Variants in KAT6B observed in about 807,000 individuals in gnomAD.
KAT6B encodes lysine acetyltransferase 6B, also known as histone acetyltransferase KAT6B.
Under a neutral mutation model 187.5 loss-of-function variants are expected in KAT6B, and 10 were observed. That is an observed-to-expected ratio of 0.05 (90% CI 0.03 to 0.09). The LOEUF (loss-of-function observed/expected upper bound fraction) is 0.09. KAT6B is among the 10% of genes least tolerant of loss of function. The pLI is 1.00. For synonymous variants in KAT6B, 861 were observed against 926.8 expected, an observed-to-expected ratio of 0.93 and a Z score of 1.29; for missense variants, 1,952 against 2,558.9, an observed-to-expected ratio of 0.76 and a Z score of 5.12.
At chr10:74,959,905 G>T in intron 3 of KAT6B, 65 bp from the exon 4 acceptor site, 1 of 1,104,310 alleles carries the variant, frequency 9.1e-7, no homozygotes, top group South Asian at 1.3e-5. Flanking sequence ...AAAAGCTTTT[G>T]ATTTTAATGT....
intron 1 of KAT6B, among the ~76,000 whole-genome samples, chr10:74,834,269 C>G (rs1192717183): frequency 1.3e-5 from 2 of 151,490 alleles, no homozygotes; most frequent in Non-Finnish European, 2.9e-5. Flanking sequence ...GCGATCTCGG[C>G]TCACTGCATC....
chr10:74,882,461 C>T (rs916838297), intron 3 of KAT6B, among the ~76,000 whole-genome samples: 3 of 152,316 alleles, frequency 2.0e-5, no homozygotes, highest in Non-Finnish European at 2.9e-5. Flanking sequence ...GACATATTCT[C>T]TTATTAGTAA....
intron 3 of KAT6B, among the ~76,000 whole-genome samples, chr10:74,863,110 G>A (rs1012425795): frequency 6.6e-6 from 1 of 152,152 alleles, no homozygotes. Context: ...AAAACAGAAA[G>A]ATTTGGAGAT....
At chr10:74,961,807 G>T (rs569701660) in intron 4 of KAT6B, among the ~76,000 whole-genome samples, 18 of 152,160 alleles carry the variant, frequency 1.2e-4, no homozygotes, top group Non-Finnish European at 2.5e-4. Flanking sequence ...GGGTGTTTAG[G>T]TACAGTGTTA....
At chr10:74,900,207 T>C (rs1272233077) in intron 3 of KAT6B, among the ~76,000 whole-genome samples, 2 of 152,226 alleles carry the variant, frequency 1.3e-5, no homozygotes, top group Admixed American at 1.3e-4. Context: ...TTATTTTTAG[T>C]CAAATGTTAA....
chr10:74,977,588 A>G (rs923423184), intron 9 of KAT6B, 151 bp downstream of exon 9: 26 of 1,008,946 alleles, frequency 2.6e-5, no homozygotes, highest in Non-Finnish European at 3.9e-5. Context: ...CTGACTGTAC[A>G]TTCAAAAGCA....
chr10:75,002,505 G>C (rs1310144671), intron 13 of KAT6B, among the ~76,000 whole-genome samples: 1 of 152,040 alleles, frequency 6.6e-6, no homozygotes, highest in Non-Finnish European at 1.5e-5. Context: ...GCACCATTAG[G>C]CAACTTCATT....
At chr10:74,900,534 G>A (rs1005160398) in intron 3 of KAT6B, among the ~76,000 whole-genome samples, 1 of 152,192 alleles carries the variant, frequency 6.6e-6, no homozygotes, top group Non-Finnish European at 1.5e-5. Context: ...CTTTTCCAGC[G>A]CACGTGTAGG....
At chr10:75,025,509 C>T in intron 17 of KAT6B, 1 of 419,058 alleles carries the variant, frequency 2.4e-6, no homozygotes, top group East Asian at 4.1e-5. Context: ...TTGGCTTATC[C>T]CCAAAAACTT....
intron 3 of KAT6B, among the ~76,000 whole-genome samples, chr10:74,926,365 A>G (rs1359954013): frequency 1.3e-5 from 2 of 152,224 alleles, no homozygotes; most frequent in Non-Finnish European, 2.9e-5. Context: ...GAGGCAGGAT[A>G]ATCACTTGAA....
chr10:75,016,076 GTTA>G (rs547249774), intron 13 of KAT6B, among the ~76,000 whole-genome samples: 7 of 152,218 alleles, frequency 4.6e-5, no homozygotes, highest in Admixed American at 2.0e-4. Context: ...TAACATTACA[GTTA>G]TTATGCTGGG....
intron 2 of KAT6B, among the ~76,000 whole-genome samples, chr10:74,839,960 T>C (rs1405139736): frequency 6.6e-6 from 1 of 152,160 alleles, no homozygotes; most frequent in Non-Finnish European, 1.5e-5. Context: ...GATGACAGAA[T>C]CAAGATTCAA....
intron 3 of KAT6B, among the ~76,000 whole-genome samples, chr10:74,882,816 T>C (rs1288979035): frequency 6.6e-6 from 1 of 152,256 alleles, no homozygotes; most frequent in Non-Finnish European, 1.5e-5. Context: ...CATTGCTCTT[T>C]AAACATCTTT....
At chr10:74,863,638 T>G (rs1843347495) in intron 3 of KAT6B, among the ~76,000 whole-genome samples, 1 of 152,260 alleles carries the variant, frequency 6.6e-6, no homozygotes, top group Non-Finnish European at 1.5e-5. Context: ...GTCATGTTAA[T>G]GTAGTAGAGG....
intron 3 of KAT6B, among the ~76,000 whole-genome samples, chr10:74,863,997 G>A (rs967420463): frequency 2.0e-5 from 3 of 152,114 alleles, no homozygotes; most frequent in Non-Finnish European, 1.5e-5. Context: ...TTTTATGTAG[G>A]TAAGTATATG....
chr10:74,840,401 T>G (rs1389625196), intron 2 of KAT6B, among the ~76,000 whole-genome samples: 1 of 152,206 alleles, frequency 6.6e-6, no homozygotes, highest in African/African-American at 2.4e-5. Flanking sequence ...TTTGGACATT[T>G]GAAGGCCTCT....
At position 75,018,592 on chromosome 10, in the gene KAT6B, C is replaced by T. The variant is rs142377934; in HGVS notation, c.2630-1990C>T. ...CTGCCTTCCGGATTAGGGACTGTAG[C>T]GGGGAGACAGAACAAAGGAACACAT... On this transcript the variant is annotated intron_variant, in intron 13 of 17. Coordinates refer to ENST00000287239, the MANE Select transcript of KAT6B (RefSeq NM_012330.4). 6.0e-3 allele frequency among the ~76,000 whole-genome samples: 914 copies of T among 152,110 alleles called. 5 individuals are homozygous for T. Among genetic ancestry groups the T allele is most frequent in the African/African-American group, 0.021 (852 of 41,492 alleles).
At chr10:74,923,772 G>A (rs1039913627) in intron 3 of KAT6B, among the ~76,000 whole-genome samples, 1 of 152,210 alleles carries the variant, frequency 6.6e-6, no homozygotes, top group African/African-American at 2.4e-5. Flanking sequence ...CAGGCCTCTG[G>A]CTTTGCTGAG....
intron 3 of KAT6B, among the ~76,000 whole-genome samples, chr10:74,901,908 A>G (rs1846425973): frequency 6.6e-6 from 1 of 152,192 alleles, no homozygotes; most frequent in African/African-American, 2.4e-5. Context: ...GTTGAAAGGA[A>G]TGGAAAATCA....
Sources: allele counts gnomAD v4.1 joint callset (sites outside exome capture counted in the v4.1 genomes callset), GRCh38; gene constraint gnomAD v4.1.1; transcripts MANE v1.5; gene names NCBI Gene and HGNC (gene_info 2026-07-23, HGNC 2026-07-21).